NTM: variants seen among roughly 807,000 people sequenced by gnomAD.
NTM encodes neurotrimin.
In NTM, 13 loss-of-function variants were observed where a neutral mutation model predicts 42.1. The ratio of observed to expected loss-of-function variants is 0.31; its 90% CI spans 0.20 to 0.49. NTM has a LOEUF of 0.49. Ranked by LOEUF, NTM falls within the 20% of genes least tolerant of loss-of-function variation. The probability of loss-of-function intolerance (pLI) is 0.99; values close to 1 mark genes in which losing one functional copy is unlikely to be tolerated. For synonymous variants in NTM, 187 were observed against 179.2 expected, an observed-to-expected ratio of 1.04 and a Z score of -0.35; for missense variants, 373 against 452.8, an observed-to-expected ratio of 0.82 and a Z score of 1.60.
chr11:131,585,835 C>T (rs1441913786), intron 1 of NTM, among the ~76,000 whole-genome samples: 3 of 152,276 alleles, frequency 2.0e-5, no homozygotes, highest in East Asian at 1.9e-4. Flanking sequence ...CACTGTGGCT[C>T]CAGGCCATGT....
At position 132,065,378 on chromosome 11, in the gene NTM, C is replaced by T. The variant is rs111322782; in HGVS notation, c.168-80904C>T. ...ATCATCTCAGGGCAAAAAGGCACAG[C>T]GTGTAGAATATGCTTCTTATAGCAG... On this transcript the variant is annotated intron_variant, in intron 2 of 8. Transcript: ENST00000683400. Among the ~76,000 whole-genome samples the T allele has an allele frequency of 8.9e-4, 135 of 152,258 alleles. 1 individual carries two copies. The highest frequency in any genetic ancestry group is 2.6e-3 in the African/African-American group (109 of 41,572).
intron 4 of NTM, among the ~76,000 whole-genome samples, chr11:132,267,855 C>CA (rs927047157): frequency 7.5e-5 from 11 of 146,066 alleles, no homozygotes; most frequent in African/African-American, 2.0e-4. Context: ...AAAAAAAAAA[C>CA]AAAAAAAACC....
At chr11:131,407,009 C>T (rs775897970) in intron 1 of NTM, among the ~76,000 whole-genome samples, 5 of 152,200 alleles carry the variant, frequency 3.3e-5, no homozygotes, top group Non-Finnish European at 5.9e-5. Context: ...TTAAGATGTT[C>T]CCTTTTTGCA....
intron 1 of NTM, among the ~76,000 whole-genome samples, chr11:131,639,734 G>T (rs944896386): frequency 1.6e-4 from 25 of 152,126 alleles, no homozygotes; most frequent in African/African-American, 6.0e-4. Flanking sequence ...GAGGCAGGCA[G>T]ATCACAAGGT....
intron 2 of NTM, among the ~76,000 whole-genome samples, chr11:131,946,466 A>G (rs1182842447): frequency 6.6e-6 from 1 of 152,220 alleles, no homozygotes; most frequent in Non-Finnish European, 1.5e-5. Flanking sequence ...TGTAAAACAT[A>G]TATGCAATTG....
intron 1 of NTM, among the ~76,000 whole-genome samples, chr11:131,786,028 AG>A (rs1344788558): frequency 6.6e-6 from 1 of 152,182 alleles, no homozygotes; most frequent in Non-Finnish European, 1.5e-5. Flanking sequence ...GACAGACAGA[AG>A]GCTATCTCAC....
rs866422055 is a variant in NTM, at chr11:131,937,460, A to G, written c.167+25812A>G. ...GACAGGTATTGGTGGGTGGGGGTACATGTTGTAGAGAGAGGCCTGGAGATG... is the reference window on the plus strand; with the variant it reads ...GACAGGTATTGGTGGGTGGGGGTACGTGTTGTAGAGAGAGGCCTGGAGATG... On this transcript the variant is annotated intron_variant, in intron 2 of 8. Transcript: ENST00000683400. 1.3e-3 allele frequency among the ~76,000 whole-genome samples: 199 copies of G among 152,280 alleles called. 1 individual carries two copies. Among genetic ancestry groups the G allele is most frequent in the African/African-American group, 4.5e-3 (188 of 41,568 alleles).
chr11:132,149,137 A>G (rs887084677), intron 3 of NTM, among the ~76,000 whole-genome samples: 3 of 150,444 alleles, frequency 2.0e-5, no homozygotes, highest in Non-Finnish European at 4.4e-5. Flanking sequence ...TCAGAGCCAA[A>G]CTGACCCCCT....
chr11:132,083,445 A>G (rs1461171085), intron 2 of NTM, among the ~76,000 whole-genome samples: 1 of 152,250 alleles, frequency 6.6e-6, no homozygotes, highest in Non-Finnish European at 1.5e-5. Context: ...TTGTTCCACA[A>G]GGAATCTCAG....
intron 2 of NTM, among the ~76,000 whole-genome samples, chr11:132,128,472 G>A (rs2066234587): frequency 6.6e-6 from 1 of 152,144 alleles, no homozygotes; most frequent in Admixed American, 6.5e-5. Flanking sequence ...ACCATCCTCA[G>A]ATCTTTGTGG....
intron 4 of NTM, among the ~76,000 whole-genome samples, chr11:132,262,544 T>G (rs2092925233): frequency 2.6e-5 from 4 of 152,170 alleles, no homozygotes; most frequent in Non-Finnish European, 4.4e-5. Flanking sequence ...CTTCCTCACA[T>G]GGCAGGGGGA....
chr11:132,038,335 T>G (rs538761765), intron 2 of NTM, among the ~76,000 whole-genome samples: 16 of 152,346 alleles, frequency 1.1e-4, no homozygotes, highest in African/African-American at 3.6e-4. Context: ...GTGTGTTGTA[T>G]GTGGAGTGGA....
chr11:131,593,893 G>A (rs2059596752), intron 1 of NTM, among the ~76,000 whole-genome samples: 1 of 152,162 alleles, frequency 6.6e-6, no homozygotes, highest in African/African-American at 2.4e-5. Context: ...AGCAAGGCCT[G>A]TATTTCATTT....
At chr11:131,833,331 A>G (rs545141187) in intron 1 of NTM, among the ~76,000 whole-genome samples, 11 of 152,322 alleles carry the variant, frequency 7.2e-5, no homozygotes, top group African/African-American at 1.2e-4. Flanking sequence ...CAATTGGCAG[A>G]CACTTGATAT....
intron 1 of NTM, among the ~76,000 whole-genome samples, chr11:131,761,240 G>A (rs1290341811): frequency 2.6e-5 from 4 of 152,186 alleles, no homozygotes; most frequent in African/African-American, 9.6e-5. Context: ...CAGCAGTTCA[G>A]TGTAGTAGGC....
At chr11:131,506,196 C>T (rs1036790087) in intron 1 of NTM, among the ~76,000 whole-genome samples, 2 of 152,142 alleles carry the variant, frequency 1.3e-5, no homozygotes, top group Non-Finnish European at 1.5e-5. Flanking sequence ...TGATTATTCC[C>T]GAGCCTATTT....
chr11:132,068,989 C>T (rs535706780), intron 2 of NTM, among the ~76,000 whole-genome samples: 33 of 152,336 alleles, frequency 2.2e-4, no homozygotes, highest in Admixed American at 9.8e-4. Flanking sequence ...ACAGCAATGA[C>T]GAGATTAGTA....
chr11:132,269,171 A>C (rs1015801099), intron 4 of NTM, among the ~76,000 whole-genome samples: 1 of 152,210 alleles, frequency 6.6e-6, no homozygotes, highest in Non-Finnish European at 1.5e-5. Flanking sequence ...AGCCGAGGAC[A>C]TACAATAGAA....
At chr11:132,311,854 G>A (rs1328024718) in intron 6 of NTM, among the ~76,000 whole-genome samples, 1 of 152,192 alleles carries the variant, frequency 6.6e-6, no homozygotes, top group East Asian at 1.9e-4. Context: ...TCTCCTCTGT[G>A]CAGCATCTCT....
Sources: allele counts gnomAD v4.1 joint callset (sites outside exome capture counted in the v4.1 genomes callset), GRCh38; gene constraint gnomAD v4.1.1; transcripts MANE v1.5; gene names NCBI Gene and HGNC (gene_info 2026-07-23, HGNC 2026-07-21).